LRRTM3: variants seen among roughly 807,000 people sequenced by gnomAD.
The protein encoded by LRRTM3 is leucine-rich repeat transmembrane neuronal protein 3.
A neutral mutation model predicts 44.7 loss-of-function variants in LRRTM3; 24 were observed. The observed-to-expected ratio is 0.54, with a 90% confidence interval of 0.39 to 0.76. The LOEUF is 0.76. Ranked by LOEUF, LRRTM3 falls within the 30% of genes least tolerant of loss-of-function variation. The probability of loss-of-function intolerance (pLI) is 0.00; values close to 1 mark genes in which losing one functional copy is unlikely to be tolerated. For synonymous variants in LRRTM3, 277 were observed against 278.7 expected (o/e 0.99, Z 0.06); for missense variants, 587 against 702.2 (o/e 0.84, Z 1.85).
chr10:66,944,644 A>G (rs1158858199), intron 2 of LRRTM3, among the ~76,000 whole-genome samples: 1 of 152,222 alleles, frequency 6.6e-6, no homozygotes, highest in African/African-American at 2.4e-5. Flanking sequence ...GAGACTTATA[A>G]AAGGTTTCCA....
chr10:67,090,523 T>C (rs1030439374), intron 2 of LRRTM3, among the ~76,000 whole-genome samples: 2 of 152,046 alleles, frequency 1.3e-5, no homozygotes, highest in African/African-American at 4.8e-5. Context: ...CAAAATGTAG[T>C]GGTTAAGAAG....
chr10:67,025,144 A>AAG (rs1554900164), intron 2 of LRRTM3, among the ~76,000 whole-genome samples: 5 of 147,270 alleles, frequency 3.4e-5, no homozygotes, highest in Admixed American at 2.0e-4. Context: ...ACAAAAAAAA[A>AAG]AAAGAAAGAA....
At chr10:66,934,222 ATGT>A (rs1372552473) in intron 2 of LRRTM3, among the ~76,000 whole-genome samples, 1 of 152,242 alleles carries the variant, frequency 6.6e-6, no homozygotes, top group South Asian at 2.1e-4. Context: ...TTTCCAGCAA[ATGT>A]TGTAATGATA....
At chr10:67,065,241 A>G (rs536258778) in intron 2 of LRRTM3, among the ~76,000 whole-genome samples, 1 of 152,332 alleles carries the variant, frequency 6.6e-6, no homozygotes, top group Admixed American at 6.5e-5. Flanking sequence ...TTGACCATAC[A>G]CATGCTGTAT....
At chr10:66,977,131 T>C (rs1207978507) in intron 2 of LRRTM3, among the ~76,000 whole-genome samples, 2 of 152,100 alleles carry the variant, frequency 1.3e-5, no homozygotes, top group Non-Finnish European at 2.9e-5. Context: ...TTAAAGGACC[T>C]ATAATGGGTA....
At chr10:67,074,408 T>C (rs1354026601) in intron 2 of LRRTM3, among the ~76,000 whole-genome samples, 2 of 131,004 alleles carry the variant, frequency 1.5e-5, no homozygotes. Flanking sequence ...TGAAGTGCAG[T>C]GGCACGATCT....
intron 2 of LRRTM3, among the ~76,000 whole-genome samples, chr10:67,088,168 G>A (rs1857417403): frequency 6.6e-6 from 1 of 151,288 alleles, no homozygotes; most frequent in Non-Finnish European, 1.5e-5. Flanking sequence ...TTCCTACATG[G>A]AATCCTCTGT....
At chr10:66,928,555 T>G in intron 2 of LRRTM3, 103 bp downstream of exon 2, 7 of 1,056,370 alleles carry the variant, frequency 6.6e-6, no homozygotes, top group South Asian at 1.7e-5. Flanking sequence ...CCCCCTCCCC[T>G]TCCCTCTCCC....
intron 2 of LRRTM3, among the ~76,000 whole-genome samples, chr10:66,931,052 G>C (rs1847358258): frequency 6.6e-6 from 1 of 151,860 alleles, no homozygotes; most frequent in African/African-American, 2.4e-5. Flanking sequence ...TCCATCCCAT[G>C]GTACTTTCTG....
chr10:67,062,528 T>C (rs1744788687), intron 2 of LRRTM3, among the ~76,000 whole-genome samples: 1 of 152,172 alleles, frequency 6.6e-6, no homozygotes, highest in African/African-American at 2.4e-5. Context: ...TGTGTGTGTC[T>C]GTGTGTCTGC....
Position 66,943,019 on chromosome 10 carries a change from C to G in LRRTM3, c.1536+14567C>G, listed in dbSNP as rs1038070034. Among the ~76,000 whole-genome samples the G allele has an allele frequency of 3.9e-5, 6 of 152,184 alleles. No homozygotes were observed. The South Asian group carries it at 6.2e-4, about 16-fold the overall frequency. Reference sequence around the variant, plus strand: ...GGGCAAACAAAATAGCTTCTCAGGGCAAGGGATATCAGAAATTTGGAGTCA... The same window carrying G: ...GGGCAAACAAAATAGCTTCTCAGGGGAAGGGATATCAGAAATTTGGAGTCA... On this transcript the variant is annotated intron_variant, in intron 2 of 2. Coordinates refer to ENST00000361320, the MANE Select transcript of LRRTM3 (RefSeq NM_178011.5).
Position 66,927,657 on chromosome 10 carries a change from C to A in LRRTM3, c.741C>A (p.Thr247=). The A allele has an allele frequency of 5.0e-6, 8 of 1,614,140 alleles. No individual in the cohort carries two copies. The highest frequency in any genetic ancestry group is 6.8e-6 in the Non-Finnish European group (8 of 1,180,018). ...ATAAAATCAGTGTCATAGGACAGAC[C>A]ATGTCCTGGACCTGGAGCTCCTTAC... The part of the protein sequence containing the change: ...QWNKISVIGQ[T]MSWTWSSLQR... Residue 247 remains threonine (T), a synonymous_variant, in exon 2 of 3, where the codon ACC becomes ACA. Transcript: ENST00000361320. The surrounding 1 kb of genome is among the most constrained non-coding windows in gnomAD (Gnocchi z 4.7).
chr10:67,022,351 G>C (rs1853074803), intron 2 of LRRTM3, among the ~76,000 whole-genome samples: 2 of 151,876 alleles, frequency 1.3e-5, no homozygotes, highest in African/African-American at 2.4e-5. Flanking sequence ...GTGTGTGTCT[G>C]TGTGTGTGTG....
chr10:67,021,625 T>C (rs1455652635), intron 2 of LRRTM3, among the ~76,000 whole-genome samples: 1 of 152,114 alleles, frequency 6.6e-6, no homozygotes, highest in Non-Finnish European at 1.5e-5. Flanking sequence ...TGGAATAAAA[T>C]TGTATCTATA....
intron 2 of LRRTM3, among the ~76,000 whole-genome samples, chr10:67,055,461 G>GT (rs1855366039): frequency 6.6e-6 from 1 of 152,138 alleles, no homozygotes. Flanking sequence ...AAGCAAATAG[G>GT]TAGGTGTTGT....
chr10:66,957,426 ATG>A (rs1848869713), intron 2 of LRRTM3, among the ~76,000 whole-genome samples: 1 of 27,034 alleles, frequency 3.7e-5, no homozygotes, highest in Non-Finnish European at 6.5e-5. Flanking sequence ...ATATATATAT[ATG>A]CATATATATA....
intron 2 of LRRTM3, among the ~76,000 whole-genome samples, chr10:67,091,764 A>G (rs1377855068): frequency 1.3e-5 from 2 of 152,034 alleles, no homozygotes; most frequent in African/African-American, 4.8e-5. Context: ...TTGGAACAAG[A>G]GACAGGGAGT....
chr10:66,959,394 G>A (rs901746662), intron 2 of LRRTM3, among the ~76,000 whole-genome samples: 1 of 152,108 alleles, frequency 6.6e-6, no homozygotes, highest in Non-Finnish European at 1.5e-5. Context: ...ATAATGAGAT[G>A]TTTCTTTAAA....
intron 2 of LRRTM3, among the ~76,000 whole-genome samples, chr10:67,027,506 C>T (rs1387717374): frequency 6.8e-6 from 1 of 146,056 alleles, no homozygotes; most frequent in African/African-American, 2.5e-5. Context: ...GTGATCTCGG[C>T]TCACTGCAAC....
Sources: gnomAD v4.1 joint callset for allele counts (sites outside exome capture counted in the v4.1 genomes callset) on GRCh38, gnomAD v4.1.1 for gene constraint, Gnocchi (gnomAD v3.1) non-coding constraint, MANE v1.5 for transcripts, NCBI Gene and HGNC (gene_info 2026-07-23, HGNC 2026-07-21) for gene names.